The following RARRES1 variants were observed in gnomAD, a reference collection of about 807,000 sequenced individuals.
RARRES1 encodes the protein retinoic acid receptor responder protein 1.
A neutral mutation model predicts 30.6 loss-of-function variants in RARRES1; 34 were observed. The ratio of observed to expected loss-of-function variants is 1.11; its 90% CI spans 0.84 to 1.48. The LOEUF (loss-of-function observed/expected upper bound fraction) is 1.48. Among genes scored for constraint, RARRES1 ranks in the 40% most tolerant of loss-of-function variants. The pLI is 0.00. For missense variants in RARRES1, 373 were observed against 386.5 expected (o/e 0.97, Z 0.29); for synonymous variants, 153 against 155.5 (o/e 0.98, Z 0.12).
In RARRES1 at chr3:158,710,853, G is replaced by T. The variant is rs2307064; in HGVS notation, c.420C>A (p.Thr140=). 1 of 1,613,342 alleles carries T rather than the reference G, an allele frequency of 6.2e-7. No homozygotes were observed. The highest frequency in any genetic ancestry group is 8.5e-7 in the Non-Finnish European group (1 of 1,179,480). The change falls in exon 3 of 6, where the codon ACC becomes ACA. Residue 140 remains threonine, a synonymous_variant. Coordinates refer to ENST00000237696, the MANE Select transcript of RARRES1 (RefSeq NM_206963.2). ...VFFKNQKPRP[T]INVTCTRLIE... ...TGAGCCGTGTACAAGTTACATTGATGGTTGGTCTGGGTTTCTGATTCTTGA... is the reference window on the plus strand; with the variant it reads ...TGAGCCGTGTACAAGTTACATTGATTGTTGGTCTGGGTTTCTGATTCTTGA...
Position 158,732,378 on chromosome 3 carries a change from G to T in RARRES1, c.38C>A (p.Ser13Tyr). ...GGTGGGGCGCGGGCCCCTGGGCCCG[G>T]ACCAGGGAGCAGGCAGCCGTTGCCG... ...PRRQRLPAPW[S>Y]GPRGPRPTAP... The change falls in exon 1 of 6, where the codon TCC (serine) becomes TAC (tyrosine). Residue 13 changes from serine (S) to tyrosine (Y), a missense_variant. Ser to Tyr is a moderately radical substitution (Grantham distance 144). Coordinates refer to ENST00000237696, the MANE Select transcript of RARRES1 (RefSeq NM_206963.2). 1 of 1,500,416 alleles carries T rather than the reference G, an allele frequency of 6.7e-7. No individual in the cohort carries two copies. The highest frequency in any genetic ancestry group is 1.2e-5 in the South Asian group (1 of 81,050). 92.9% of individuals were successfully genotyped at this position (1,500,416 alleles called of 1,614,324 possible). A position where few individuals can be genotyped will look rare whatever the true frequency, so the allele number is the denominator to read the frequency against.
chr3:158,706,361 G>A (rs1161765007), intron 3 of RARRES1, among the ~76,000 whole-genome samples: 1 of 152,174 alleles, frequency 6.6e-6, no homozygotes, highest in African/African-American at 2.4e-5. Context: ...ATGAGATTTT[G>A]GCTGCGCCTT....
In RARRES1 at chr3:158,697,454, T is replaced by G. The variant is rs1227089136; in HGVS notation, c.*224A>C. The G allele has an allele frequency of 1.0e-5, 4 of 399,500 alleles. No homozygotes were observed. Among genetic ancestry groups the G allele is most frequent in the Non-Finnish European group, 1.3e-5 (3 of 227,450 alleles). 24.7% of individuals were successfully genotyped at this position (399,500 alleles called of 1,614,324 possible). A position where few individuals can be genotyped will look rare whatever the true frequency, so the allele number is the denominator to read the frequency against. ...AAACCCTGAGGAACCTGCTGGTGAC[T>G]GTTTAGCACTGAGCAGAGTTCAGTG... On this transcript the variant is annotated 3_prime_UTR_variant, in exon 6 of 6. Coordinates refer to ENST00000237696, the MANE Select transcript of RARRES1 (RefSeq NM_206963.2).
rs1187946944 is a variant in RARRES1, at chr3:158,732,454, G to T, written c.-39C>A. 1.1e-5 allele frequency: 16 copies of T among 1,517,204 alleles called. No individual in the cohort carries two copies. The East Asian group carries it at 4.1e-4, about 39-fold the overall frequency. The allele number at this position is 1,517,204 out of a possible 1,614,324, so 94.0% of individuals were successfully genotyped here. A position where few individuals can be genotyped will look rare whatever the true frequency, so the allele number is the denominator to read the frequency against. ...TTGGCTCGGCACCCGACAGACACGG[G>T]CTCGGAGCGGGCAGTGCCGGCGCTC... On this transcript the variant is annotated 5_prime_UTR_variant, in exon 1 of 6. Coordinates refer to ENST00000237696, the MANE Select transcript of RARRES1 (RefSeq NM_206963.2).
At chr3:158,702,438 A>G (rs923641464) in intron 4 of RARRES1, among the ~76,000 whole-genome samples, 1 of 152,188 alleles carries the variant, frequency 6.6e-6, no homozygotes, top group African/African-American at 2.4e-5. Flanking sequence ...GACATGAAAG[A>G]CGGGTTAGAA....
At chr3:158,706,027 A>AT (rs1481124780) in intron 3 of RARRES1, among the ~76,000 whole-genome samples, 1 of 152,220 alleles carries the variant, frequency 6.6e-6, no homozygotes, top group Non-Finnish European at 1.5e-5. Flanking sequence ...TTAAGGCCTA[A>AT]TAATAGCACA....
chr3:158,714,955 C>G (rs1727275201), intron 1 of RARRES1, among the ~76,000 whole-genome samples: 1 of 152,102 alleles, frequency 6.6e-6, no homozygotes, highest in Non-Finnish European at 1.5e-5. Context: ...TGCTGGGAAA[C>G]TGGAGAAGGG....
At chr3:158,722,662 CA>C (rs1183020860) in intron 1 of RARRES1, among the ~76,000 whole-genome samples, 1 of 152,038 alleles carries the variant, frequency 6.6e-6, no homozygotes. Context: ...GTGGGCGGAT[CA>C]CGAGGTCAGG....
chr3:158,706,688 A>G (rs894107754), intron 3 of RARRES1, among the ~76,000 whole-genome samples: 1 of 152,192 alleles, frequency 6.6e-6, no homozygotes, highest in African/African-American at 2.4e-5. Flanking sequence ...TTGATAGGAA[A>G]TGGCAAGTTA....
chr3:158,716,401 G>C (rs1174864477), intron 1 of RARRES1, among the ~76,000 whole-genome samples: 2 of 152,142 alleles, frequency 1.3e-5, no homozygotes, highest in Admixed American at 1.3e-4. Context: ...ATTCACTAAA[G>C]TCTTCCTTAT....
intron 1 of RARRES1, among the ~76,000 whole-genome samples, chr3:158,722,325 C>T (rs1293126442): frequency 1.3e-5 from 2 of 152,150 alleles, no homozygotes; most frequent in Non-Finnish European, 2.9e-5. Flanking sequence ...GCTTTGTTTT[C>T]ATGTTAATGG....
intron 4 of RARRES1, among the ~76,000 whole-genome samples, chr3:158,702,758 C>T (rs73156495): frequency 0.17 from 26,016 of 152,124 alleles, 2,243 homozygotes; most frequent in South Asian, 0.23. Context: ...CAGGTAGAAA[C>T]TTACCTAGCA....
rs957585820 is a variant in RARRES1, at chr3:158,730,336, A to C, written c.276+1804T>G. 8.6e-5 allele frequency among the ~76,000 whole-genome samples: 13 copies of C among 150,694 alleles called. No homozygotes were observed. In the East Asian group the frequency reaches 2.2e-3, roughly 25 times the overall value. ...CTCTGTCTCAAAAAAAAAAAAAAAAAAACAAAGACAGGTGACAAGAATAGG... is the reference window on the plus strand; with the variant it reads ...CTCTGTCTCAAAAAAAAAAAAAAAACAACAAAGACAGGTGACAAGAATAGG... On this transcript the variant is annotated intron_variant, in intron 1 of 5. Coordinates refer to ENST00000237696, the MANE Select transcript of RARRES1 (RefSeq NM_206963.2).
chr3:158,729,216 C>T (rs1727791598), intron 1 of RARRES1, among the ~76,000 whole-genome samples: 1 of 151,740 alleles, frequency 6.6e-6, no homozygotes, highest in Non-Finnish European at 1.5e-5. Flanking sequence ...TAACCTTTCC[C>T]AAAGCCATTG....
At chr3:158,719,919 T>A (rs61794798) in intron 1 of RARRES1, among the ~76,000 whole-genome samples, 28,719 of 152,184 alleles carry the variant, frequency 0.19, 2,844 homozygotes, top group Non-Finnish European at 0.23. Context: ...ATATGAAGCA[T>A]CATTGGAGGG....
intron 1 of RARRES1, among the ~76,000 whole-genome samples, chr3:158,724,336 T>A (rs892108558): frequency 2.6e-5 from 4 of 152,198 alleles, no homozygotes; most frequent in Non-Finnish European, 5.9e-5. Context: ...GTGACTATGT[T>A]ATTTTACATG....
rs1177428554 is a variant in RARRES1 at position 158,732,396 on chromosome 3, C to T, written c.20G>A (p.Arg7Gln). Residue 7 changes from arginine (R) to glutamine (Q), a missense_variant, in exon 1 of 6, where the codon CGG becomes CAG. By Grantham distance (43) the Arg-to-Gln change is conservative. Transcript: ENST00000237696. Reference sequence around the variant, plus strand: ...GGGCCCGGACCAGGGAGCAGGCAGCCGTTGCCGGCGGGGCTGCATGGACGC... The same window carrying T: ...GGGCCCGGACCAGGGAGCAGGCAGCTGTTGCCGGCGGGGCTGCATGGACGC... MQPRRQ[R>Q]LPAPWSGPRG... is the part of the protein sequence containing the mutation. The T allele has an allele frequency of 3.3e-6, 5 of 1,508,908 alleles. No homozygotes were observed. The highest frequency in any genetic ancestry group is 2.4e-5 in the South Asian group (2 of 82,024). 93.5% of individuals were successfully genotyped at this position (1,508,908 alleles called of 1,614,324 possible).
intron 1 of RARRES1, among the ~76,000 whole-genome samples, chr3:158,720,233 G>GGTGTGTGTGTGTGTGTGTGTGTGTGT (rs781535998): frequency 9.3e-4 from 129 of 139,314 alleles, no homozygotes; most frequent in African/African-American, 3.2e-3. Context: ...GCTGGCTGCT[G>GGTGTGTGTGTGTGTGTGTGTGTGTGT]GTGTGTGTGT....
chr3:158,722,141 G>T (rs910754607), intron 1 of RARRES1, among the ~76,000 whole-genome samples: 1 of 149,472 alleles, frequency 6.7e-6, no homozygotes, highest in Non-Finnish European at 1.5e-5. Flanking sequence ...AGGCAGTTTG[G>T]ACTAAAATAA....
Sources: allele counts gnomAD v4.1 joint callset (sites outside exome capture counted in the v4.1 genomes callset), GRCh38; gene constraint gnomAD v4.1.1; transcripts MANE v1.5; gene names NCBI Gene and HGNC (gene_info 2026-07-23, HGNC 2026-07-21).